The following SPMIP7 variants were observed in gnomAD, a reference collection of about 807,000 sequenced individuals.
SPMIP7 encodes protein SPMIP7.
the SPMIP7 span, among the ~76,000 whole-genome samples, chr7:50,125,276 A>C: frequency 7.9e-3 from 800 of 100,806 alleles, 58 homozygotes; most frequent in Non-Finnish European, 0.012. Flanking sequence ...ATATATATAC[A>C]CATATATACA....
chr7:50,125,375 C>CATATATAT, the SPMIP7 span, among the ~76,000 whole-genome samples: 7 of 87,762 alleles, frequency 8.0e-5, no homozygotes, highest in African/African-American at 1.2e-4. Context: ...CATATATATA[C>CATATATAT]ACATATACAC....
the SPMIP7 span, chr7:50,151,531 C>CCCATCA: frequency 6.4e-7 from 1 of 1,551,290 alleles, no homozygotes; most frequent in South Asian, 1.2e-5. Context: ...CATCAACAAC[C>CCCATCA]CCATCACCAG....
the SPMIP7 span, among the ~76,000 whole-genome samples, chr7:50,148,195 A>T: frequency 6.6e-6 from 1 of 152,178 alleles, no homozygotes; most frequent in African/African-American, 2.4e-5. Flanking sequence ...GTGGGTGAGG[A>T]CTTTCGTTTT....
the SPMIP7 span, among the ~76,000 whole-genome samples, chr7:50,138,620 T>C: frequency 0.45 from 69,113 of 152,068 alleles, 16,076 homozygotes; most frequent in East Asian, 0.72. Flanking sequence ...AAGCAAAATG[T>C]AGGAGATATT....
chr7:50,148,563 C>G, the SPMIP7 span, among the ~76,000 whole-genome samples: 1 of 152,172 alleles, frequency 6.6e-6, no homozygotes, highest in Non-Finnish European at 1.5e-5. Context: ...TTGTAACATG[C>G]ATGGAAGCTT....
the SPMIP7 span, among the ~76,000 whole-genome samples, chr7:50,108,701 T>C: frequency 6.6e-6 from 1 of 152,188 alleles, no homozygotes; most frequent in East Asian, 1.9e-4. Context: ...CCTACCCTGA[T>C]ATTTTTGTCA....
chr7:50,151,619 G>A, the SPMIP7 span: 9 of 1,178,212 alleles, frequency 7.6e-6, no homozygotes, highest in Non-Finnish European at 1.1e-5. Context: ...TCCTAATTGT[G>A]GTTATTCCAT....
chr7:50,123,592 A>AATAT, the SPMIP7 span, among the ~76,000 whole-genome samples: 1 of 151,474 alleles, frequency 6.6e-6, no homozygotes, highest in Non-Finnish European at 1.5e-5. Flanking sequence ...TAAATAAATA[A>AATAT]ATAAATAAAA....
the SPMIP7 span, chr7:50,141,502 G>A: frequency 1.5e-6 from 1 of 682,656 alleles, no homozygotes; most frequent in South Asian, 1.9e-5. Flanking sequence ...CATTGCTGAA[G>A]AAGAAAGATA....
At chr7:50,148,980 A>T in the SPMIP7 span, among the ~76,000 whole-genome samples, 4 of 152,304 alleles carry the variant, frequency 2.6e-5, no homozygotes, top group Non-Finnish European at 4.4e-5. Context: ...CCCCGACTCT[A>T]CTAAAAATAC....
At chr7:50,143,631 T>C in the SPMIP7 span, among the ~76,000 whole-genome samples, 67 of 152,250 alleles carry the variant, frequency 4.4e-4, no homozygotes, top group Admixed American at 2.1e-3. Context: ...CTGTGTTTTT[T>C]ATATTGGTAG....
chr7:50,158,974 T>C, the SPMIP7 span: 1 of 1,469,092 alleles, frequency 6.8e-7, no homozygotes, highest in Non-Finnish European at 9.2e-7. Context: ...GTATCATTAG[T>C]TGGATGAGGT....
At chr7:50,118,671 C>T in the SPMIP7 span, among the ~76,000 whole-genome samples, 26 of 152,272 alleles carry the variant, frequency 1.7e-4, no homozygotes, top group African/African-American at 4.8e-4. Context: ...TAGAAACAGT[C>T]GAATAAGCTT....
the SPMIP7 span, among the ~76,000 whole-genome samples, chr7:50,158,194 G>T: frequency 8.6e-5 from 13 of 150,522 alleles, no homozygotes; most frequent in Admixed American, 4.0e-4. Context: ...CCTAGGTGAG[G>T]CCCAGGACCC....
chr7:50,101,949 C>T, the SPMIP7 span, among the ~76,000 whole-genome samples: 1 of 152,208 alleles, frequency 6.6e-6, no homozygotes, highest in Non-Finnish European at 1.5e-5. Context: ...TAAAGTGAAA[C>T]CCGTTAATCA....
the SPMIP7 span, among the ~76,000 whole-genome samples, chr7:50,151,750 G>C: frequency 1.4e-4 from 22 of 152,174 alleles, 1 homozygote; most frequent in Non-Finnish European, 2.6e-4. Context: ...ATTAAGCCTT[G>C]TATGTGTTTC....
At chr7:50,111,000 G>T in the SPMIP7 span, among the ~76,000 whole-genome samples, 4 of 140,900 alleles carry the variant, frequency 2.8e-5, no homozygotes, top group East Asian at 8.1e-4. Flanking sequence ...AAATATATAT[G>T]TAATATCTTT....
At chr7:50,125,197 TATATATACACATATATATACAC>T in the SPMIP7 span, among the ~76,000 whole-genome samples, 5 of 59,412 alleles carry the variant, frequency 8.4e-5, no homozygotes, top group South Asian at 1.1e-3. Flanking sequence ...TATATACACA[TATATATACACATATATATACAC>T]ATATATACAC....
the SPMIP7 span, chr7:50,117,516 A>T: frequency 4.1e-6 from 1 of 244,142 alleles, no homozygotes; most frequent in South Asian, 5.1e-5. Flanking sequence ...CCTAATTTCT[A>T]TCTGAAATGT....
Sources: gnomAD v4.1 joint callset for allele counts (sites outside exome capture counted in the v4.1 genomes callset) on GRCh38, gnomAD v4.1.1 for gene constraint, MANE v1.5 for transcripts, NCBI Gene and HGNC (gene_info 2026-07-23, HGNC 2026-07-21) for gene names.